Variants in PCDHGB2 observed in about 807,000 individuals in gnomAD.
PCDHGB2 encodes the protein protocadherin gamma subfamily B, 2.
Under a neutral mutation model 59.3 loss-of-function variants are expected in PCDHGB2, and 55 were observed. That is an observed-to-expected ratio of 0.93 (90% CI 0.75 to 1.16). PCDHGB2 has a LOEUF of 1.16. Ranked by LOEUF, PCDHGB2 falls within the 50% of genes most tolerant of loss-of-function variation. PCDHGB2 has a pLI of 0.00. For missense variants in PCDHGB2, 1,228 were observed against 1,198.5 expected, an observed-to-expected ratio of 1.02 and a Z score of -0.36; for synonymous variants, 516 against 512.0, an observed-to-expected ratio of 1.01 and a Z score of -0.11.
chr5:141,384,731 C>T, intron 1 of PCDHGB2: 1 of 1,614,086 alleles, frequency 6.2e-7, no homozygotes, highest in South Asian at 1.1e-5. Context: ...CTGCTTAAGG[C>T]CAGCGAGCCA....
intron 1 of PCDHGB2, chr5:141,389,977 C>T: frequency 6.2e-7 from 1 of 1,614,054 alleles, no homozygotes; most frequent in South Asian, 1.1e-5. Flanking sequence ...GCCTTGATCT[C>T]AGTGCTCTTC....
intron 2 of PCDHGB2, among the ~76,000 whole-genome samples, chr5:141,496,279 G>C (rs902362885): frequency 1.3e-5 from 2 of 152,198 alleles, no homozygotes; most frequent in Non-Finnish European, 2.9e-5. Context: ...ACCTTCAGTT[G>C]GTCTGAGCAG....
intron 1 of PCDHGB2, among the ~76,000 whole-genome samples, chr5:141,484,740 G>GA (rs1047805396): frequency 2.0e-5 from 3 of 150,646 alleles, no homozygotes; most frequent in Admixed American, 1.3e-4. Context: ...GGTGTGTTAG[G>GA]AAAAAAAATG....
rs1233637152 is a variant in PCDHGB2 at position 141,432,543 on chromosome 5, A to G, written c.2422-62264A>G. ...CTGGTGACCAAGGTGGTGGCGGTGGACAGAGACTCCGGCCAGAACGCCTGG... is the reference window on the plus strand; with the variant it reads ...CTGGTGACCAAGGTGGTGGCGGTGGGCAGAGACTCCGGCCAGAACGCCTGG... On this transcript the variant is annotated intron_variant, in intron 1 of 3. Transcript: ENST00000522605. This position sits in a 1 kb window ranked among gnomAD's most constrained non-coding sequence, Gnocchi z 6.0. 3 of 1,613,678 alleles carry G rather than the reference A, an allele frequency of 1.9e-6. No individual in the cohort carries two copies. In the African/African-American group the frequency reaches 4.0e-5, roughly 22 times the overall value.
chr5:141,371,551 T>A (rs1561551438), intron 1 of PCDHGB2: 1 of 1,613,704 alleles, frequency 6.2e-7, no homozygotes, highest in Non-Finnish European at 8.5e-7. Context: ...CTATGCCAAC[T>A]AAAAGGAAAC....
chr5:141,408,877 C>T (rs1476847671), intron 1 of PCDHGB2: 4 of 1,613,308 alleles, frequency 2.5e-6, no homozygotes, highest in Admixed American at 3.3e-5. Flanking sequence ...GAAGTGCCAC[C>T]GCTCACATAG....
At chr5:141,467,285 T>G (rs6870144) in intron 1 of PCDHGB2, among the ~76,000 whole-genome samples, 42,564 of 152,010 alleles carry the variant, frequency 0.28, 6,785 homozygotes, top group African/African-American at 0.45. Context: ...ACTCTTGACC[T>G]CAAGTGATCC....
At position 141,384,205 on chromosome 5, in the gene PCDHGB2, A is replaced by G. The variant is rs537255250; in HGVS notation, c.2421+21649A>G. 3.1e-6 allele frequency: 5 copies of G among 1,613,874 alleles called. No homozygotes were observed. In the African/African-American group the frequency reaches 4.0e-5, roughly 13 times the overall value. On this transcript the variant is annotated intron_variant, in intron 1 of 3. Transcript: ENST00000522605. ...TGGAACTCCTCCCTTGTCCAGGGAAACTCACATATTCATGCAGGTGGCAGA... is the reference window on the plus strand; with the variant it reads ...TGGAACTCCTCCCTTGTCCAGGGAAGCTCACATATTCATGCAGGTGGCAGA...
intron 1 of PCDHGB2, chr5:141,422,082 G>A (rs2096622921): frequency 6.2e-7 from 1 of 1,612,284 alleles, no homozygotes; most frequent in East Asian, 2.2e-5. Context: ...TTCGGAACAT[G>A]GAAAGCAAGG....
Position 141,477,588 on chromosome 5 carries a change from G to T in PCDHGB2, c.2422-17219G>T. 1 of 1,614,152 alleles carries T rather than the reference G, an allele frequency of 6.2e-7. No individual in the cohort carries two copies. The highest frequency in any genetic ancestry group is 8.5e-7 in the Non-Finnish European group (1 of 1,180,040). ...GACCCCGACGCCCCGCAGAATGCTCGGCTTTCTTTCTTTCTCTTGGAGCAA... is the reference window on the plus strand; with the variant it reads ...GACCCCGACGCCCCGCAGAATGCTCTGCTTTCTTTCTTTCTCTTGGAGCAA... On this transcript the variant is annotated intron_variant, in intron 1 of 3. Coordinates refer to ENST00000522605, the MANE Select transcript of PCDHGB2 (RefSeq NM_018923.3). This position sits in a 1 kb window ranked among gnomAD's most constrained non-coding sequence, Gnocchi z 4.9.
intron 1 of PCDHGB2, chr5:141,373,807 T>C (rs760297070): frequency 1.2e-5 from 4 of 341,172 alleles, no homozygotes; most frequent in Non-Finnish European, 1.1e-5. Flanking sequence ...CTCTGTGTGA[T>C]AGTTTCACAA....
intron 1 of PCDHGB2, chr5:141,418,385 G>T: frequency 6.2e-7 from 1 of 1,613,930 alleles, no homozygotes; most frequent in Non-Finnish European, 8.5e-7. Context: ...AAGTCCTAAC[G>T]AGTATTTCTC....
At chr5:141,457,537 T>A (rs967428207) in intron 1 of PCDHGB2, among the ~76,000 whole-genome samples, 2 of 152,228 alleles carry the variant, frequency 1.3e-5, no homozygotes, top group Admixed American at 6.5e-5. Flanking sequence ...TAGGGTTTAA[T>A]GACAAATGTA....
At chr5:141,409,075 G>A (rs1416534881) in intron 1 of PCDHGB2, 2 of 1,613,904 alleles carry the variant, frequency 1.2e-6, no homozygotes, top group East Asian at 2.2e-5. Flanking sequence ...CAAAACATAT[G>A]TTCTCATTGG....
chr5:141,510,813 C>G, intron 3 of PCDHGB2, 134 bp from the exon 4 acceptor site: 2 of 1,537,024 alleles, frequency 1.3e-6, no homozygotes, highest in Non-Finnish European at 1.8e-6. Context: ...CTTGGTGACC[C>G]CTATATTCCC....
chr5:141,432,476 A>G lies in PCDHGB2; in HGVS notation c.2422-62331A>G. 1 of 1,614,080 alleles carries G rather than the reference A, an allele frequency of 6.2e-7. No homozygotes were observed. Among genetic ancestry groups the G allele is most frequent in the East Asian group, 2.2e-5 (1 of 44,874 alleles). ...CCCCGCCCTCCCCACGGACGGTTCCACTGGCGTGGAGCTGGCTCCCCGCTC... is the reference window on the plus strand; with the variant it reads ...CCCCGCCCTCCCCACGGACGGTTCCGCTGGCGTGGAGCTGGCTCCCCGCTC... On this transcript the variant is annotated intron_variant, in intron 1 of 3. Transcript: ENST00000522605. The surrounding 1 kb of genome is among the most constrained non-coding windows in gnomAD (Gnocchi z 6.0).
intron 1 of PCDHGB2, chr5:141,423,660 G>T (rs765304048): frequency 1.3e-6 from 2 of 1,560,582 alleles, no homozygotes; most frequent in Non-Finnish European, 8.6e-7. Context: ...CAAGTAATCA[G>T]GTGAGATTTA....
At chr5:141,401,485 G>A (rs2094160307) in intron 1 of PCDHGB2, among the ~76,000 whole-genome samples, 2 of 152,152 alleles carry the variant, frequency 1.3e-5, no homozygotes, top group Admixed American at 6.5e-5. Context: ...AGGTTTTCTT[G>A]GATGCAAAAT....
intron 1 of PCDHGB2, among the ~76,000 whole-genome samples, chr5:141,462,559 T>G (rs1035231534): frequency 6.6e-6 from 1 of 152,248 alleles, no homozygotes; most frequent in African/African-American, 2.4e-5. Flanking sequence ...CAGTGTTTAC[T>G]GTATTTGCTA....
Sources: gnomAD v4.1 joint callset for allele counts (sites outside exome capture counted in the v4.1 genomes callset) on GRCh38, gnomAD v4.1.1 for gene constraint, Gnocchi (gnomAD v3.1) non-coding constraint, MANE v1.5 for transcripts, NCBI Gene and HGNC (gene_info 2026-07-23, HGNC 2026-07-21) for gene names.